MMD2: variants seen among roughly 807,000 people sequenced by gnomAD.
The protein encoded by MMD2 is monocyte to macrophage differentiation associated 2, also known as monocyte to macrophage differentiation factor 2.
A neutral mutation model predicts 33.5 loss-of-function variants in MMD2; 30 were observed. The observed-to-expected ratio is 0.90, with a 90% CI of 0.67 to 1.22. MMD2 has a LOEUF of 1.22. Ranked by LOEUF, MMD2 falls within the 50% of genes most tolerant of loss-of-function variation. MMD2 has a pLI of 0.00. For missense variants in MMD2, 364 were observed against 325.4 expected (o/e 1.12, Z -0.91); for synonymous variants, 129 against 123.0 (o/e 1.05, Z -0.32).
intron 2 of MMD2, among the ~76,000 whole-genome samples, chr7:4,921,174 C>T (rs1307590108): frequency 6.6e-6 from 1 of 152,130 alleles, no homozygotes; most frequent in African/African-American, 2.4e-5. Context: ...CAGCCCCTCT[C>T]TGGGCCACCA....
At chr7:4,916,107 C>T in intron 3 of MMD2, 28 bp from the exon 4 acceptor site, 2 of 1,609,752 alleles carry the variant, frequency 1.2e-6, no homozygotes, top group Non-Finnish European at 8.5e-7. Context: ...CCGGCAGTCA[C>T]AGCCCCTGCA....
chr7:4,936,109 C>T (rs1447603026), intron 1 of MMD2, among the ~76,000 whole-genome samples: 6 of 149,906 alleles, frequency 4.0e-5, no homozygotes, highest in East Asian at 2.0e-4. Flanking sequence ...CACTTGAACC[C>T]GGGAGGCAGA....
rs1784863715 is a variant in MMD2 at position 4,906,207 on chromosome 7, G to A, written c.*1189C>T. ...ATTCCAATTCAGATCCTGGAGCTGG[G>A]CCTGCTACTCACCTCCCCAGTAAAT... On this transcript the variant is annotated 3_prime_UTR_variant, in exon 7 of 7. Transcript: ENST00000401401. The A allele has an allele frequency of 9.0e-6, 3 of 333,464 alleles. No individual in the cohort carries two copies. Among genetic ancestry groups the A allele is most frequent in the Admixed American group, 9.7e-5 (2 of 20,628 alleles). The allele number at this position is 333,464 out of a possible 1,614,324, so 20.7% of individuals were successfully genotyped here. A position where few individuals can be genotyped will look rare whatever the true frequency, so the allele number is the denominator to read the frequency against.
At chr7:4,931,089 G>A (rs1161618914) in intron 1 of MMD2, among the ~76,000 whole-genome samples, 1 of 152,096 alleles carries the variant, frequency 6.6e-6, no homozygotes, top group Non-Finnish European at 1.5e-5. Context: ...GACCTCAGGT[G>A]ATCCACTTGT....
chr7:4,905,267 G>GGAA (rs1396901254), downstream of MMD2, among the ~76,000 whole-genome samples: 19 of 149,928 alleles, frequency 1.3e-4, no homozygotes, highest in African/African-American at 4.4e-4. This position sits in a 1 kb window ranked among gnomAD's most constrained non-coding sequence, Gnocchi z 5.0. Flanking sequence ...AGGAGGAGGA[G>GGAA]GAGGAAGAGG....
At position 4,920,167 on chromosome 7, in the gene MMD2, G is replaced by C. The variant is rs540555882; in HGVS notation, c.290+4C>G. ...GGCATGGGTCCCCTCTGGGCGGGAG[G>C]CACCTGAGGTGGCTCTTCTTCCAGG... On this transcript the variant is annotated splice_donor_region_variant and intron_variant, in intron 3 of 6. Coordinates refer to ENST00000401401, the MANE Select transcript of MMD2 (RefSeq NM_198403.4). The C allele has an allele frequency of 6.4e-7, 1 of 1,556,648 alleles. No homozygotes were observed. The highest frequency in any genetic ancestry group is 2.4e-5 in the East Asian group (1 of 41,316).
In MMD2 at chr7:4,936,901, A is replaced by AT. The variant is rs1297114582; in HGVS notation, c.48-11370dup. Among the ~76,000 whole-genome samples, 7 of 151,044 alleles carry AT rather than the reference A, an allele frequency of 4.6e-5. No individual in the cohort carries two copies. The East Asian group carries it at 8.0e-4, about 17-fold the overall frequency. On this transcript the variant is annotated intron_variant, in intron 1 of 6. Transcript: ENST00000401401. The stretch of plus-strand genomic sequence containing the variant: ...AGGTGTTTGCCACTACACCTGGCTA[A>AT]TTTTTTTTATTTTTAGTAGAGACGG...
chr7:4,946,085 GCACGCACACA>G lies in MMD2; in HGVS notation c.47+12876_47+12885del, dbSNP rs1429222200. 1.9e-4 allele frequency among the ~76,000 whole-genome samples: 29 copies of G among 150,330 alleles called. No individual in the cohort carries two copies. The highest frequency in any genetic ancestry group is 3.2e-4 in the African/African-American group (13 of 40,790). On this transcript the variant is annotated intron_variant, in intron 1 of 6. Coordinates refer to ENST00000401401, the MANE Select transcript of MMD2 (RefSeq NM_198403.4). This position sits in a 1 kb window ranked among gnomAD's most constrained non-coding sequence, Gnocchi z 5.0. ...TGCACACACTCACACGCACGCACACGCACGCACACACACGCATGCACACGCGCACACGCAC... is the reference window on the plus strand; with the variant it reads ...TGCACACACTCACACGCACGCACACGCACGCATGCACACGCGCACACGCAC...
intron 1 of MMD2, among the ~76,000 whole-genome samples, chr7:4,938,122 T>C (rs1035431341): frequency 6.8e-6 from 1 of 146,400 alleles, no homozygotes; most frequent in Non-Finnish European, 1.5e-5. Context: ...GAGATTCTCC[T>C]GCCTCAGCCT....
intron 1 of MMD2, among the ~76,000 whole-genome samples, chr7:4,951,282 G>A (rs1448100009): frequency 6.6e-6 from 1 of 151,976 alleles, no homozygotes; most frequent in Non-Finnish European, 1.5e-5. Flanking sequence ...CGGTTTAACT[G>A]CTTTTAAACC....
intron 1 of MMD2, among the ~76,000 whole-genome samples, chr7:4,942,389 C>G (rs560064030): frequency 6.6e-6 from 1 of 150,376 alleles, no homozygotes; most frequent in Non-Finnish European, 1.5e-5. Context: ...TGTGAGCCAC[C>G]TGGCCCTGCC....
intron 1 of MMD2, among the ~76,000 whole-genome samples, chr7:4,930,645 C>CAAAA (rs57731564): frequency 8.3e-6 from 1 of 120,524 alleles, no homozygotes. Context: ...ACTCTGTCTC[C>CAAAA]AAAAAAAAAA....
intron 3 of MMD2, among the ~76,000 whole-genome samples, chr7:4,918,475 C>T (rs141739567): frequency 1.5e-5 from 2 of 136,766 alleles, no homozygotes; most frequent in Non-Finnish European, 3.0e-5. Context: ...TTTTTCTTTT[C>T]TTTCTTTCTT....
chr7:4,932,005 A>G (rs1264206499), intron 1 of MMD2, among the ~76,000 whole-genome samples: 1 of 152,054 alleles, frequency 6.6e-6, no homozygotes, highest in Admixed American at 6.6e-5. Flanking sequence ...TGGGAAACCT[A>G]TTCTCCCCGA....
intron 3 of MMD2, 71 bp from the exon 4 acceptor site, chr7:4,916,150 G>A (rs910046365): frequency 1.3e-4 from 182 of 1,443,258 alleles, no homozygotes; most frequent in Non-Finnish European, 1.6e-4. Flanking sequence ...CCAGAGCCGT[G>A]CCCTGGACTG....
chr7:4,915,232 C>T (rs1052589761), intron 4 of MMD2, among the ~76,000 whole-genome samples: 1 of 151,624 alleles, frequency 6.6e-6, no homozygotes, highest in South Asian at 2.1e-4. Context: ...GATCACAACA[C>T]TGCACTCCAG....
At chr7:4,897,352 A>C in the MMD2 span, among the ~76,000 whole-genome samples, 332 of 152,208 alleles carry the variant, frequency 2.2e-3, 1 homozygote, top group African/African-American at 7.6e-3. Flanking sequence ...CTTAATATAA[A>C]TGTTTATCAA....
At chr7:4,900,526 C>G in the MMD2 span, among the ~76,000 whole-genome samples, 2 of 152,070 alleles carry the variant, frequency 1.3e-5, no homozygotes, top group Non-Finnish European at 2.9e-5. Context: ...TAATTTCACC[C>G]TACCAGTCTT....
the MMD2 span, among the ~76,000 whole-genome samples, chr7:4,896,491 A>G: frequency 1.3e-5 from 2 of 152,268 alleles, no homozygotes; most frequent in Admixed American, 1.3e-4. Context: ...AAAAAATTAA[A>G]TAAAATAAAA....
Sources: allele counts gnomAD v4.1 joint callset (sites outside exome capture counted in the v4.1 genomes callset), GRCh38; gene constraint gnomAD v4.1.1; non-coding constraint Gnocchi (gnomAD v3.1); transcripts MANE v1.5; gene names NCBI Gene and HGNC (gene_info 2026-07-23, HGNC 2026-07-21).